Variants in MARCHF1 observed in about 807,000 individuals in gnomAD.
MARCHF1 encodes the protein membrane associated ring-CH-type finger 1.
MARCHF1 carries 40 observed loss-of-function variants against 54.2 expected under a neutral mutation model. The observed-to-expected ratio is 0.74, with a 90% CI of 0.57 to 0.96. The LOEUF (loss-of-function observed/expected upper bound fraction) is 0.96, where lower values mean the gene tolerates loss of function less well. Among genes scored for constraint, MARCHF1 ranks in the 40% least tolerant of loss-of-function variants. The probability of loss-of-function intolerance (pLI) is 0.00; values close to 1 mark genes in which losing one functional copy is unlikely to be tolerated. For synonymous variants in MARCHF1, 236 were observed against 236.3 expected, an observed-to-expected ratio of 1.00 and a Z score of 0.01; for missense variants, 586 against 656.5, an observed-to-expected ratio of 0.89 and a Z score of 1.17.
chr4:163,828,937 G>A (rs994650330), intron 4 of MARCHF1: 7 of 152,160 alleles, frequency 4.6e-5, no homozygotes, highest in Non-Finnish European at 1.0e-4. Context: ...TTGTCCCCTT[G>A]ATTGAAGGTC....
At chr4:163,968,680 T>C (rs1752491033) in intron 3 of MARCHF1, among the ~76,000 whole-genome samples, 1 of 152,130 alleles carries the variant, frequency 6.6e-6, no homozygotes, top group African/African-American at 2.4e-5. Flanking sequence ...ACCATACTAA[T>C]TGCACTTAAG....
chr4:164,331,158 TCTC>T (rs1245145423), intron 1 of MARCHF1, among the ~76,000 whole-genome samples: 1 of 152,074 alleles, frequency 6.6e-6, no homozygotes, highest in Non-Finnish European at 1.5e-5. Flanking sequence ...TGAGACTTTC[TCTC>T]CTAAGTGAAT....
At chr4:164,316,338 A>G (rs996778062) in intron 1 of MARCHF1, among the ~76,000 whole-genome samples, 2 of 152,210 alleles carry the variant, frequency 1.3e-5, no homozygotes, top group African/African-American at 4.8e-5. Context: ...TACTTTTTAG[A>G]GCAATGAAAG....
chr4:163,848,825 A>C (rs1438747797), intron 4 of MARCHF1, among the ~76,000 whole-genome samples: 1 of 152,162 alleles, frequency 6.6e-6, no homozygotes, highest in Admixed American at 6.5e-5. Flanking sequence ...TATATTCCGA[A>C]TTTAAAACAC....
At chr4:163,962,781 C>T (rs544913937) in intron 3 of MARCHF1, among the ~76,000 whole-genome samples, 1 of 151,722 alleles carries the variant, frequency 6.6e-6, no homozygotes, top group Non-Finnish European at 1.5e-5. Context: ...TTCTTAAAAT[C>T]CTATACCACT....
chr4:164,188,928 C>T (rs1731050630), intron 1 of MARCHF1: 3 of 763,214 alleles, frequency 3.9e-6, no homozygotes, highest in Non-Finnish European at 7.3e-6. Flanking sequence ...TGCGAAGCAA[C>T]CAAAGATATT....
chr4:163,834,633 T>G (rs1023004982), intron 4 of MARCHF1, among the ~76,000 whole-genome samples: 13 of 122,476 alleles, frequency 1.1e-4, no homozygotes, highest in African/African-American at 4.2e-4. Context: ...CCCCAGAGTG[T>G]GATGTTCCCC....
chr4:163,654,322 G>GA (rs1336809658), intron 5 of MARCHF1, among the ~76,000 whole-genome samples: 1 of 151,458 alleles, frequency 6.6e-6, no homozygotes, highest in East Asian at 1.9e-4. Context: ...AAAAGTGCAA[G>GA]AAAAAAGGAA....
At chr4:164,188,766 T>C (rs1408360658) in intron 1 of MARCHF1, 7 of 939,988 alleles carry the variant, frequency 7.4e-6, no homozygotes, top group Non-Finnish European at 1.2e-5. Context: ...TACGTTCAAG[T>C]TGATATTGGA....
intron 4 of MARCHF1, among the ~76,000 whole-genome samples, chr4:163,711,049 C>T (rs1252123041): frequency 6.6e-6 from 1 of 151,634 alleles, no homozygotes; most frequent in Non-Finnish European, 1.5e-5. Flanking sequence ...TCTTAGATGA[C>T]CAGAGGTGTG....
intron 2 of MARCHF1, among the ~76,000 whole-genome samples, chr4:164,068,515 C>T (rs995322281): frequency 2.6e-5 from 4 of 152,178 alleles, no homozygotes; most frequent in Non-Finnish European, 5.9e-5. Context: ...CCGCCGGCCC[C>T]GAGCAGTGAG....
intron 1 of MARCHF1, among the ~76,000 whole-genome samples, chr4:164,301,286 A>C (rs1254033237): frequency 6.6e-6 from 1 of 152,184 alleles, no homozygotes; most frequent in Non-Finnish European, 1.5e-5. Flanking sequence ...TAGAGATGGA[A>C]AAATAAACTG....
chr4:163,796,914 AAT>A (rs1323007054), intron 4 of MARCHF1, among the ~76,000 whole-genome samples: 2 of 152,140 alleles, frequency 1.3e-5, no homozygotes, highest in Non-Finnish European at 2.9e-5. Flanking sequence ...AGCTTTGTCT[AAT>A]ATGTTGGATC....
intron 1 of MARCHF1, among the ~76,000 whole-genome samples, chr4:164,270,475 G>C (rs1733718557): frequency 6.6e-6 from 1 of 152,102 alleles, no homozygotes; most frequent in Non-Finnish European, 1.5e-5. Flanking sequence ...GTTCTGTAAT[G>C]TCAGATATTT....
At chr4:163,929,943 A>ATATAATATATAT (rs1751622325) in intron 3 of MARCHF1, among the ~76,000 whole-genome samples, 1 of 7,632 alleles carries the variant, frequency 1.3e-4, no homozygotes, top group African/African-American at 1.4e-4. Flanking sequence ...TTATATATTT[A>ATATAATATATAT]TATTATATAT....
chr4:164,170,910 A>G (rs905315413), intron 1 of MARCHF1, among the ~76,000 whole-genome samples: 3 of 152,174 alleles, frequency 2.0e-5, no homozygotes, highest in African/African-American at 7.2e-5. Flanking sequence ...GGTCACAAAT[A>G]TTCATGAGTA....
intron 5 of MARCHF1, among the ~76,000 whole-genome samples, chr4:163,663,331 C>T (rs1743415606): frequency 6.6e-6 from 1 of 151,298 alleles, no homozygotes; most frequent in Admixed American, 6.6e-5. Context: ...ACTAGATGAT[C>T]ACAACTGACC....
At chr4:163,855,872 G>C (rs1165377421) in intron 3 of MARCHF1, among the ~76,000 whole-genome samples, 2 of 152,110 alleles carry the variant, frequency 1.3e-5, no homozygotes, top group Non-Finnish European at 2.9e-5. Context: ...CTTATACTCA[G>C]TCAACATTAA....
chr4:163,680,786 T>C (rs1053759220), intron 5 of MARCHF1, among the ~76,000 whole-genome samples: 14 of 152,324 alleles, frequency 9.2e-5, no homozygotes, highest in African/African-American at 3.4e-4. Flanking sequence ...TTGTGTTACA[T>C]GATGCTTCAC....
Sources: allele counts gnomAD v4.1 joint callset (sites outside exome capture counted in the v4.1 genomes callset), GRCh38; gene constraint gnomAD v4.1.1; transcripts MANE v1.5; gene names NCBI Gene and HGNC (gene_info 2026-07-23, HGNC 2026-07-21).